The following MTFR1 variants were observed in gnomAD, a reference collection of about 807,000 sequenced individuals.
MTFR1 encodes chondrocyte protein with a poly-proline region.
Under a neutral mutation model 38.8 loss-of-function variants are expected in MTFR1, and 28 were observed. The observed-to-expected ratio is 0.72, with a 90% CI of 0.53 to 0.99. The LOEUF is 0.99. Among genes scored for constraint, MTFR1 ranks in the 50% least tolerant of loss-of-function variants. The pLI is 0.00. For missense variants in MTFR1, 358 were observed against 395.5 expected (o/e 0.91, Z 0.81); for synonymous variants, 145 against 137.0 (o/e 1.06, Z -0.41).
At chr8:65,756,612 C>G (rs1453904445) in intron 3 of MTFR1, among the ~76,000 whole-genome samples, 2 of 152,118 alleles carry the variant, frequency 1.3e-5, no homozygotes, top group African/African-American at 4.8e-5. Context: ...TTTCTCTTTA[C>G]TGAGATTCTC....
At chr8:65,654,435 A>G (rs922418512) in intron 1 of MTFR1, among the ~76,000 whole-genome samples, 1 of 152,054 alleles carries the variant, frequency 6.6e-6, no homozygotes, top group African/African-American at 2.4e-5. Context: ...CCATTTCCCT[A>G]TTGATGGTCA....
At chr8:65,773,222 G>A (rs898422059), downstream of MTFR1, among the ~76,000 whole-genome samples, 1 of 152,048 alleles carries the variant, frequency 6.6e-6, no homozygotes, top group East Asian at 1.9e-4. Context: ...ATTCCAAGCT[G>A]TGTGATAAGC....
At chr8:65,773,153 C>T (rs1809160842), downstream of MTFR1, among the ~76,000 whole-genome samples, 1 of 152,162 alleles carries the variant, frequency 6.6e-6, no homozygotes, top group East Asian at 1.9e-4. Flanking sequence ...GGAGCACGTG[C>T]TCATTTCTCT....
At chr8:65,708,341 G>A (rs1004727185) in intron 7 of MTFR1, 1 of 378,378 alleles carries the variant, frequency 2.6e-6, no homozygotes, top group Non-Finnish European at 5.0e-6. Flanking sequence ...TCTATGCAGG[G>A]TTATATTTTT....
chr8:65,667,244 C>T (rs1229623986), intron 1 of MTFR1, among the ~76,000 whole-genome samples: 1 of 150,986 alleles, frequency 6.6e-6, no homozygotes, highest in Non-Finnish European at 1.5e-5. Context: ...CCATTGTACT[C>T]CAGCCTGGGT....
chr8:65,668,525 CT>C (rs144265003), intron 1 of MTFR1, among the ~76,000 whole-genome samples: 137 of 127,006 alleles, frequency 1.1e-3, no homozygotes, highest in East Asian at 2.4e-3. Context: ...TTTCTTTTTT[CT>C]TTTTTTTTTT....
chr8:65,676,904 C>T (rs1346197004), intron 2 of MTFR1, among the ~76,000 whole-genome samples: 1 of 152,106 alleles, frequency 6.6e-6, no homozygotes, highest in Non-Finnish European at 1.5e-5. Context: ...CATCCTCCTC[C>T]TTGCTGTCAT....
chr8:65,653,731 T>C (rs1161098181), intron 1 of MTFR1, among the ~76,000 whole-genome samples: 3 of 152,064 alleles, frequency 2.0e-5, no homozygotes, highest in African/African-American at 7.2e-5. Flanking sequence ...CTTTTTAGAT[T>C]TCAGTTATTT....
rs1308573841 is a variant in MTFR1, at chr8:65,682,334, G to T, written c.67-19G>T. 7.0e-7 allele frequency: 1 copy of T among 1,420,162 alleles called. No individual in the cohort carries two copies. The highest frequency in any genetic ancestry group is 1.4e-5 in the South Asian group (1 of 73,682). The allele number at this position is 1,420,162 out of a possible 1,614,324, so 88.0% of individuals were successfully genotyped here. The stretch of plus-strand genomic sequence containing the variant: ...TGTACATCTTGTAATTAAGCTTTCG[G>T]TTTTTCCTACTTCCTCAGGTACTTT... On this transcript the variant is annotated intron_variant, in intron 2 of 7. Transcript: ENST00000262146.
chr8:65,655,970 C>CATATATAT, intron 1 of MTFR1, among the ~76,000 whole-genome samples: 1 of 53,626 alleles, frequency 1.9e-5, no homozygotes, highest in African/African-American at 1.0e-4. Flanking sequence ...ATATATATAC[C>CATATATAT]ATATATATAT....
intron 1 of MTFR1, among the ~76,000 whole-genome samples, chr8:65,656,248 T>A (rs1458217845): frequency 6.6e-6 from 1 of 151,738 alleles, no homozygotes; most frequent in African/African-American, 2.4e-5. Flanking sequence ...TGTCCCTGTA[T>A]CATAAAAGGA....
intron 3 of MTFR1, among the ~76,000 whole-genome samples, chr8:65,746,097 ATTTT>A (rs374802114): frequency 7.1e-6 from 1 of 141,308 alleles, no homozygotes; most frequent in African/African-American, 2.6e-5. Flanking sequence ...TACCTGGCTA[ATTTT>A]TTTTTTTTTT....
At chr8:65,778,386 G>A in the MTFR1 span, among the ~76,000 whole-genome samples, 1 of 152,136 alleles carries the variant, frequency 6.6e-6, no homozygotes, top group African/African-American at 2.4e-5. Flanking sequence ...CCATCTTGGA[G>A]GTTCCAGCCC....
chr8:65,686,148 A>G (rs1805064784), intron 3 of MTFR1, among the ~76,000 whole-genome samples: 1 of 152,208 alleles, frequency 6.6e-6, no homozygotes, highest in South Asian at 2.1e-4. Context: ...CTACTAGATA[A>G]TTTGGAATAT....
chr8:65,731,814 C>T (rs1028873462), intron 3 of MTFR1, among the ~76,000 whole-genome samples: 3 of 152,050 alleles, frequency 2.0e-5, no homozygotes, highest in African/African-American at 7.2e-5. Context: ...ACAAATTTCT[C>T]ACAAAATATA....
intron 3 of MTFR1, among the ~76,000 whole-genome samples, chr8:65,688,888 T>G (rs966296566): frequency 1.3e-5 from 2 of 152,062 alleles, no homozygotes; most frequent in Non-Finnish European, 2.9e-5. Flanking sequence ...CTCACACCTG[T>G]AATCCCAGCA....
Position 65,769,205 on chromosome 8 carries a change from G to A in MTFR1, c.*49-1742G>A, listed in dbSNP as rs150477207. ...GGTGGTTGCAGTGTGCTAAGATCAC[G>A]CCACTGCACTCCAGCCTAGGTGACA... On this transcript the variant is annotated intron_variant, in intron 3 of 3. Transcript: ENST00000521247. Among the ~76,000 whole-genome samples the A allele has an allele frequency of 4.1e-3, 568 of 137,036 alleles. 11 individuals are homozygous for A. The highest frequency in any genetic ancestry group is 0.036 in the Admixed American group (453 of 12,556). The allele number at this position is 137,036 out of a possible 152,430, so 89.9% of individuals were successfully genotyped here. A position where few individuals can be genotyped will look rare whatever the true frequency, so the allele number is the denominator to read the frequency against.
chr8:65,713,159 G>A (rs1805999307), downstream of MTFR1, among the ~76,000 whole-genome samples: 2 of 152,272 alleles, frequency 1.3e-5, no homozygotes, highest in African/African-American at 4.8e-5. Context: ...AAACAGGAGT[G>A]GCCGAGTGCC....
At chr8:65,684,330 G>A (rs1585775550) in intron 3 of MTFR1, among the ~76,000 whole-genome samples, 1 of 152,100 alleles carries the variant, frequency 6.6e-6, no homozygotes, top group African/African-American at 2.4e-5. Flanking sequence ...TGAGAATGTA[G>A]TGAGAGACGG....
Sources: allele counts gnomAD v4.1 joint callset (sites outside exome capture counted in the v4.1 genomes callset), GRCh38; gene constraint gnomAD v4.1.1; transcripts MANE v1.5; gene names NCBI Gene and HGNC (gene_info 2026-07-23, HGNC 2026-07-21).